Variants in RIMS1 observed in about 807,000 individuals in gnomAD.
The protein encoded by RIMS1 is regulating synaptic membrane exocytosis protein 1.
RIMS1 carries 83 observed loss-of-function variants against 214.1 expected under a neutral mutation model. That is an observed-to-expected ratio of 0.39 (90% CI 0.32 to 0.47). RIMS1 has a LOEUF of 0.47. RIMS1 is among the 20% of genes least tolerant of loss of function. RIMS1 has a pLI of 0.99. For missense variants in RIMS1, 2,050 were observed against 2,161.8 expected, an observed-to-expected ratio of 0.95 and a Z score of 1.03; for synonymous variants, 793 against 786.8, an observed-to-expected ratio of 1.01 and a Z score of -0.13.
intron 23 of RIMS1, among the ~76,000 whole-genome samples, chr6:72,277,689 T>C (rs1179028706): frequency 6.6e-6 from 1 of 152,172 alleles, no homozygotes; most frequent in African/African-American, 2.4e-5. Flanking sequence ...TTTAAAATTG[T>C]AGTGAAAATT....
chr6:72,380,702 T>G (rs1314178887), intron 29 of RIMS1, among the ~76,000 whole-genome samples: 1 of 152,048 alleles, frequency 6.6e-6, no homozygotes, highest in Non-Finnish European at 1.5e-5. Context: ...TTCAGATTAC[T>G]TTTTTTTAAA....
intron 2 of RIMS1, among the ~76,000 whole-genome samples, chr6:72,002,202 T>A (rs1017211978): frequency 1.3e-5 from 2 of 151,238 alleles, no homozygotes; most frequent in African/African-American, 4.9e-5. Context: ...AGGAAAAAAA[T>A]GTCAAAAAAT....
At chr6:72,273,503 GCA>G (rs2084521725) in intron 22 of RIMS1, among the ~76,000 whole-genome samples, 1 of 152,022 alleles carries the variant, frequency 6.6e-6, no homozygotes, top group Admixed American at 6.6e-5. Flanking sequence ...TTGTGTCTGT[GCA>G]CAGACAGAAT....
intron 22 of RIMS1, among the ~76,000 whole-genome samples, chr6:72,269,981 CAG>C (rs757746824): frequency 4.6e-5 from 7 of 152,092 alleles, no homozygotes; most frequent in Non-Finnish European, 1.0e-4. Flanking sequence ...TTTCTTTTGC[CAG>C]TCAGAATTAT....
chr6:72,083,784 A>T (rs1451993275), intron 2 of RIMS1, among the ~76,000 whole-genome samples: 1 of 152,206 alleles, frequency 6.6e-6, no homozygotes, highest in Non-Finnish European at 1.5e-5. Flanking sequence ...AGTTGCTATT[A>T]TTATCACCAG....
In RIMS1 at chr6:72,012,464, A is replaced by C. The variant is rs143122928; in HGVS notation, c.245+43401A>C. The stretch of plus-strand genomic sequence containing the variant: ...CTGCATGTTGTGCACATGTACTCTG[A>C]AACTTAAAGTATAATAAAAAAAACT... On this transcript the variant is annotated intron_variant, in intron 2 of 33. Transcript: ENST00000521978. Among the ~76,000 whole-genome samples, 613 of 152,330 alleles carry C rather than the reference A, an allele frequency of 4.0e-3. 7 individuals are homozygous for C. Among genetic ancestry groups the C allele is most frequent in the African/African-American group, 0.014 (573 of 41,560 alleles).
chr6:72,232,745 A>C (rs1394405296), intron 6 of RIMS1, among the ~76,000 whole-genome samples: 1 of 151,748 alleles, frequency 6.6e-6, no homozygotes, highest in Non-Finnish European at 1.5e-5. Flanking sequence ...AGTGTATGGA[A>C]TTGAAGTGCC....
chr6:71,895,641 T>G (rs1451145570), intron 1 of RIMS1, among the ~76,000 whole-genome samples: 2 of 120,602 alleles, frequency 1.7e-5, no homozygotes, highest in African/African-American at 6.7e-5. Flanking sequence ...GCCTCTGCAC[T>G]CCAGCCTGGG....
At chr6:72,357,894 T>C (rs2097696505) in intron 29 of RIMS1, among the ~76,000 whole-genome samples, 1 of 152,182 alleles carries the variant, frequency 6.6e-6, no homozygotes, top group Non-Finnish European at 1.5e-5. Context: ...TAAACATATA[T>C]TAGGTCTGGT....
At chr6:72,128,152 C>G (rs1017301430) in intron 4 of RIMS1, among the ~76,000 whole-genome samples, 1 of 152,118 alleles carries the variant, frequency 6.6e-6, no homozygotes, top group African/African-American at 2.4e-5. Context: ...GCGCTATCTT[C>G]CTGGATGATT....
At chr6:72,108,384 C>CT (rs1275000295) in intron 4 of RIMS1, among the ~76,000 whole-genome samples, 1 of 152,166 alleles carries the variant, frequency 6.6e-6, no homozygotes, top group East Asian at 1.9e-4. Context: ...GCCACTGGGC[C>CT]TTACCCAGTT....
chr6:72,169,419 C>T (rs1450126799), intron 4 of RIMS1, among the ~76,000 whole-genome samples: 2 of 152,042 alleles, frequency 1.3e-5, no homozygotes, highest in Non-Finnish European at 2.9e-5. Context: ...AGAATTGAGT[C>T]CTGTGTAACA....
In RIMS1 at chr6:72,082,237, C is replaced by T. The variant is rs567012300; in HGVS notation, c.246-14712C>T. Among the ~76,000 whole-genome samples the T allele has an allele frequency of 7.9e-5, 12 of 152,144 alleles. No individual in the cohort carries two copies. In the South Asian group the frequency reaches 2.3e-3, roughly 29 times the overall value. ...TAGATCCTATTTATGTATTTCAATC[C>T]ATTGAATAATGTTACACTTCACAGG... On this transcript the variant is annotated intron_variant, in intron 2 of 33. Coordinates refer to ENST00000521978, the MANE Select transcript of RIMS1 (RefSeq NM_014989.7).
At chr6:72,072,036 A>C (rs1366819697) in intron 2 of RIMS1, among the ~76,000 whole-genome samples, 1 of 152,188 alleles carries the variant, frequency 6.6e-6, no homozygotes, top group Non-Finnish European at 1.5e-5. Flanking sequence ...TATACTAATT[A>C]TTGTAAAGAT....
rs180880662 is a variant in RIMS1 at position 72,063,780 on chromosome 6, T to C, written c.246-33169T>C. On this transcript the variant is annotated intron_variant, in intron 2 of 33. Coordinates refer to ENST00000521978, the MANE Select transcript of RIMS1 (RefSeq NM_014989.7). ...TCTGTTTTAGTTTGTATTCGTTTTA[T>C]CTGTAAAAACTAAAATTGCCATCAG... is the stretch of plus-strand genomic sequence containing the variant. Among the ~76,000 whole-genome samples the C allele has an allele frequency of 3.3e-5, 5 of 152,346 alleles. No homozygotes were observed. In the East Asian group the frequency reaches 9.6e-4, roughly 29 times the overall value.
chr6:72,393,790 T>C (rs1564846052), intron 31 of RIMS1, among the ~76,000 whole-genome samples: 1 of 151,816 alleles, frequency 6.6e-6, no homozygotes, highest in East Asian at 1.9e-4. Context: ...TTCTTCAATA[T>C]ACTGGAAGCC....
At chr6:72,236,783 TAA>T (rs11326772) in intron 8 of RIMS1, among the ~76,000 whole-genome samples, 2,888 of 128,458 alleles carry the variant, frequency 0.022, 69 homozygotes, top group African/African-American at 0.07. Flanking sequence ...GCTGATGAGC[TAA>T]AAAAAAAAAA....
intron 1 of RIMS1, among the ~76,000 whole-genome samples, chr6:71,967,607 C>T (rs546984914): frequency 3.9e-5 from 6 of 152,180 alleles, no homozygotes; most frequent in East Asian, 3.9e-4. Context: ...CCCACCACAC[C>T]GGGGAAAGAA....
At chr6:72,012,647 G>T (rs549454454) in intron 2 of RIMS1, among the ~76,000 whole-genome samples, 1 of 152,234 alleles carries the variant, frequency 6.6e-6, no homozygotes, top group South Asian at 2.1e-4. Context: ...ACCTGAGAAT[G>T]CTCAAGGGAA....
Sources: allele counts gnomAD v4.1 joint callset (sites outside exome capture counted in the v4.1 genomes callset), GRCh38; gene constraint gnomAD v4.1.1; transcripts MANE v1.5; gene names NCBI Gene and HGNC (gene_info 2026-07-23, HGNC 2026-07-21).